KMO: variants seen among roughly 807,000 people sequenced by gnomAD.
The protein encoded by KMO is kynurenine 3-hydroxylase.
Under a neutral mutation model 57.8 loss-of-function variants are expected in KMO, and 24 were observed. The observed-to-expected ratio is 0.42, with a 90% CI of 0.30 to 0.58. The LOEUF (loss-of-function observed/expected upper bound fraction) is 0.58, where lower values mean the gene tolerates loss of function less well. KMO is among the 20% of genes least tolerant of loss of function. The pLI is 0.22. For synonymous variants in KMO, 210 were observed against 193.6 expected, an observed-to-expected ratio of 1.08 and a Z score of -0.70; for missense variants, 483 against 588.2, an observed-to-expected ratio of 0.82 and a Z score of 1.85.
chr1:241,567,316 G>C (rs1411321988), intron 9 of KMO, among the ~76,000 whole-genome samples: 1 of 152,160 alleles, frequency 6.6e-6, no homozygotes, highest in Non-Finnish European at 1.5e-5. Flanking sequence ...TAGCAGATTC[G>C]GTGTCTGGTG....
rs965608960 is a variant in KMO at position 241,550,941 on chromosome 1, T to C, written c.223-14T>C. Reference sequence around the variant, plus strand: ...TTACTGTCATTGAAGTCAATATTTCTGGTTTCATTTCAGATTGTATCCCAA... The same window carrying C: ...TTACTGTCATTGAAGTCAATATTTCCGGTTTCATTTCAGATTGTATCCCAA... On this transcript the variant is annotated splice_polypyrimidine_tract_variant and intron_variant, in intron 3 of 14. Coordinates refer to ENST00000366559, the MANE Select transcript of KMO (RefSeq NM_003679.5). 6 of 1,333,578 alleles carry C rather than the reference T, an allele frequency of 4.5e-6. No homozygotes were observed. The African/African-American group carries it at 4.6e-5, about 10-fold the overall frequency. The allele number at this position is 1,333,578 out of a possible 1,614,324, so 82.6% of individuals were successfully genotyped here.
At chr1:241,575,591 G>C (rs1350630259) in intron 10 of KMO, among the ~76,000 whole-genome samples, 1 of 151,834 alleles carries the variant, frequency 6.6e-6, no homozygotes, top group Non-Finnish European at 1.5e-5. Context: ...TTTCCTTTTG[G>C]AATTAATCTT....
intron 1 of KMO, among the ~76,000 whole-genome samples, chr1:241,536,779 A>G (rs1223657617): frequency 6.6e-6 from 1 of 152,138 alleles, no homozygotes; most frequent in Non-Finnish European, 1.5e-5. Context: ...TAGTATTTAG[A>G]GGGTGAGGAG....
At chr1:241,565,104 A>T in intron 8 of KMO, 46 bp downstream of exon 8, 1 of 1,079,176 alleles carries the variant, frequency 9.3e-7, no homozygotes. Context: ...TTTGTAATTA[A>T]TGTTGTTTAT....
chr1:241,593,159 T>C lies in KMO; in HGVS notation c.*1006T>C, dbSNP rs1007724578. 8.5e-6 allele frequency: 2 copies of C among 235,996 alleles called. No homozygotes were observed. Among genetic ancestry groups the C allele is most frequent in the Non-Finnish European group, 1.9e-5 (2 of 105,066 alleles). The allele number at this position is 235,996 out of a possible 1,614,324, so 14.6% of individuals were successfully genotyped here. On this transcript the variant is annotated 3_prime_UTR_variant, in exon 15 of 15. Coordinates refer to ENST00000366559, the MANE Select transcript of KMO (RefSeq NM_003679.5). ...GAAAGGGTTTTATTCATAAATTAAA[T>C]GTCTACATGTGCCAGAATGGAAAGG...
rs1553352696 is a variant in KMO, at chr1:241,592,782, C to CTATCTA, written c.*631_*636dup. 7.3e-4 allele frequency: 111 copies of CTATCTA among 152,628 alleles called. No individual in the cohort carries two copies. The highest frequency in any genetic ancestry group is 1.1e-3 in the Non-Finnish European group (75 of 68,878). 9.5% of individuals were successfully genotyped at this position (152,628 alleles called of 1,614,324 possible). ...TCTATCTATCTATCTATCTATCTAT[C>CTATCTA]TATCTATCTATCTATCTCTATTTAT... On this transcript the variant is annotated 3_prime_UTR_variant, in exon 15 of 15. Coordinates refer to ENST00000366559, the MANE Select transcript of KMO (RefSeq NM_003679.5).
At chr1:241,562,134 T>C in intron 6 of KMO, 33 bp from the exon 7 acceptor site, 1 of 1,599,732 alleles carries the variant, frequency 6.3e-7, no homozygotes, top group African/African-American at 1.3e-5. Context: ...ACTAGACATA[T>C]TTTTCTTTTG....
rs754118078 is a variant in KMO at position 241,590,082 on chromosome 1, T to C, written c.1169T>C (p.Met390Thr). The C allele has an allele frequency of 2.5e-6, 4 of 1,614,010 alleles. No homozygotes were observed. Among genetic ancestry groups the C allele is most frequent in the East Asian group, 2.2e-5 (1 of 44,858 alleles). ...ATGGAGAGATTTCTTCATGCGATTA[T>C]GCCATCGACCTTTATCCCTCTCTAT... ...KNMERFLHAI[M>T]PSTFIPLYTM... is the part of the protein sequence containing the mutation. The change falls in exon 13 of 15, where the codon ATG (methionine) becomes ACG (threonine). Residue 390 changes from methionine to threonine, a missense_variant. Physicochemically the swap from Met to Thr is moderately conservative, Grantham distance 81. Transcript: ENST00000366559.
intron 1 of KMO, among the ~76,000 whole-genome samples, chr1:241,541,216 C>G (rs1660946810): frequency 6.6e-6 from 1 of 152,116 alleles, no homozygotes; most frequent in Non-Finnish European, 1.5e-5. Flanking sequence ...AGCAGAAGAT[C>G]TGCTGTGAGA....
chr1:241,568,042 T>C (rs2147966864), intron 9 of KMO, among the ~76,000 whole-genome samples: 1 of 152,332 alleles, frequency 6.6e-6, no homozygotes, highest in Middle Eastern at 3.4e-3. Context: ...ATTATTCCCA[T>C]CCCCCAAATG....
Position 241,586,673 on chromosome 1 carries a change from T to G in KMO, c.958-6T>G. On this transcript the variant is annotated splice_polypyrimidine_tract_variant and splice_region_variant and intron_variant, in intron 10 of 14. Transcript: ENST00000366559. ...TTCTTATTTCTCTTTTTTTTTCTTG[T>G]TTCAGGGCTTTGAAGACTGCTTGGT... is the stretch of plus-strand genomic sequence containing the variant. 6.3e-7 allele frequency: 1 copy of G among 1,583,212 alleles called. No individual in the cohort carries two copies. Among genetic ancestry groups the G allele is most frequent in the Non-Finnish European group, 8.6e-7 (1 of 1,162,494 alleles).
intron 5 of KMO, among the ~76,000 whole-genome samples, chr1:241,556,923 T>C (rs1473978702): frequency 2.6e-5 from 4 of 151,394 alleles, no homozygotes; most frequent in African/African-American, 9.7e-5. Context: ...ATAATAAAGA[T>C]TTGTCTTTTA....
At chr1:241,570,557 C>T (rs1193368576) in intron 10 of KMO, among the ~76,000 whole-genome samples, 2 of 152,006 alleles carry the variant, frequency 1.3e-5, no homozygotes, top group African/African-American at 4.8e-5. Flanking sequence ...TGTGTATGTT[C>T]TTGGCACCTT....
At chr1:241,538,728 T>A (rs938513924) in intron 1 of KMO, among the ~76,000 whole-genome samples, 4 of 152,140 alleles carry the variant, frequency 2.6e-5, no homozygotes. Context: ...GTGGAATGGA[T>A]TTCTTTGTGG....
rs111562256 is a variant in KMO, at chr1:241,578,056, C to T, written c.958-8623C>T. On this transcript the variant is annotated intron_variant, in intron 10 of 14. Transcript: ENST00000366559. ...AAGTAGAGAGGAGTTGTGACTCTCC[C>T]TCTTGTGCAAGCCTGAGCCTGAGGG... Among the ~76,000 whole-genome samples the T allele has an allele frequency of 2.3e-3, 353 of 152,264 alleles. 1 individual carries two copies. The highest frequency in any genetic ancestry group is 7.6e-3 in the African/African-American group (315 of 41,578).
chr1:241,551,917 G>A (rs762955832), intron 4 of KMO, among the ~76,000 whole-genome samples: 5 of 152,130 alleles, frequency 3.3e-5, no homozygotes, highest in African/African-American at 1.2e-4. Context: ...CGTTTCTAAC[G>A]AGCTTCCGGG....
In KMO at chr1:241,562,215, T is replaced by C. The variant is rs1040441293; in HGVS notation, c.498T>C (p.Cys166=). The C allele has an allele frequency of 1.2e-6, 2 of 1,614,194 alleles. No homozygotes were observed. The highest frequency in any genetic ancestry group is 1.7e-6 in the Non-Finnish European group (2 of 1,180,008). Residue 166 remains cysteine, a synonymous_variant, in exon 7 of 15, where the codon TGT becomes TGC. Transcript: ENST00000366559. Reference sequence around the variant, plus strand: ...TCACTTGTGACCTCATTGTAGGATGTGATGGAGCCTATTCAACTGTCAGAT... The same window carrying C: ...TCACTTGTGACCTCATTGTAGGATGCGATGGAGCCTATTCAACTGTCAGAT... ...KDVTCDLIVG[C]DGAYSTVRSH... is the part of the protein sequence containing the mutation.
At chr1:241,589,986 G>C in intron 12 of KMO, 26 bp from the exon 13 acceptor site, 1 of 1,561,280 alleles carries the variant, frequency 6.4e-7, no homozygotes, top group Non-Finnish European at 8.8e-7. Flanking sequence ...GTTCAAAAGC[G>C]TTCTTTAAGA....
At chr1:241,533,974 G>A (rs574282771) in intron 1 of KMO, among the ~76,000 whole-genome samples, 5 of 152,352 alleles carry the variant, frequency 3.3e-5, no homozygotes, top group Admixed American at 2.0e-4. Context: ...AGCTGCCCAA[G>A]TTCAAGGAGC....
Sources: allele counts gnomAD v4.1 joint callset (sites outside exome capture counted in the v4.1 genomes callset), GRCh38; gene constraint gnomAD v4.1.1; transcripts MANE v1.5; gene names NCBI Gene and HGNC (gene_info 2026-07-23, HGNC 2026-07-21).